SEC14L6: variants seen among roughly 807,000 people sequenced by gnomAD.
The protein encoded by SEC14L6 is SEC14-like protein 6.
In SEC14L6, 40 loss-of-function variants were observed where a neutral mutation model predicts 54.1. The ratio of observed to expected loss-of-function variants is 0.74; its 90% CI spans 0.57 to 0.96. The LOEUF is 0.96. Among genes scored for constraint, SEC14L6 ranks in the 40% least tolerant of loss-of-function variants. SEC14L6 has a pLI of 0.00. For synonymous variants in SEC14L6, 171 were observed against 198.4 expected (o/e 0.86, Z 1.16); for missense variants, 471 against 498.3 (o/e 0.95, Z 0.52).
chr22:30,532,748 C>G (rs761292488), intron 4 of SEC14L6, 35 bp from the exon 5 acceptor site: 15 of 1,598,306 alleles, frequency 9.4e-6, no homozygotes, highest in Middle Eastern at 1.6e-4. Flanking sequence ...GGTTCAGTGC[C>G]GAGGGCTGAG....
At chr22:30,538,744 G>A in intron 2 of SEC14L6, 83 bp downstream of exon 2, 2 of 905,996 alleles carry the variant, frequency 2.2e-6, no homozygotes, top group Non-Finnish European at 3.4e-6. Context: ...ATGTTTTGGA[G>A]TAATTTGATA....
intron 6 of SEC14L6, among the ~76,000 whole-genome samples, chr22:30,531,146 A>C (rs1282706540): frequency 6.6e-6 from 1 of 152,078 alleles, no homozygotes; most frequent in Non-Finnish European, 1.5e-5. Flanking sequence ...GGCGGTTCAC[A>C]CCTATAATCC....
chr22:30,535,570 G>A (rs1037322228), intron 2 of SEC14L6, among the ~76,000 whole-genome samples: 2 of 152,220 alleles, frequency 1.3e-5, no homozygotes, highest in South Asian at 2.1e-4. Flanking sequence ...GAGGCAGAGC[G>A]GGGACTAGAC....
intron 2 of SEC14L6, among the ~76,000 whole-genome samples, chr22:30,534,367 T>G (rs1011367840): frequency 6.6e-6 from 1 of 152,142 alleles, no homozygotes; most frequent in Non-Finnish European, 1.5e-5. Flanking sequence ...TCACAAACAT[T>G]TTGGCCTCAG....
chr22:30,535,037 G>GAAA (rs10652799), intron 2 of SEC14L6, among the ~76,000 whole-genome samples: 60 of 148,416 alleles, frequency 4.0e-4, no homozygotes, highest in Admixed American at 1.0e-3. Context: ...CCTATAAAAA[G>GAAA]AAAAAAAAAA....
Position 30,525,432 on chromosome 22 carries a change from C to T in SEC14L6, c.999G>A (p.Met333Ile), listed in dbSNP as rs560718005. 20 of 1,614,204 alleles carry T rather than the reference C, an allele frequency of 1.2e-5. No homozygotes were observed. Among genetic ancestry groups the T allele is most frequent in the African/African-American group, 1.1e-4 (8 of 75,038 alleles). ...KMGERQRAREMTEVLPSQRYN... is the reference protein window; with the variant it reads ...KMGERQRAREITEVLPSQRYN... ...AGCGCTGGCTGGGCAGCACCTCTGT[C>T]ATCTCCCTAGCCCTCTGCCGCTCCC... The change falls in exon 11 of 12, where the codon ATG becomes ATA. Residue 333 changes from methionine (M) to isoleucine (I), a missense_variant. Coordinates refer to ENST00000402034, the MANE Select transcript of SEC14L6 (RefSeq NM_001193336.4).
chr22:30,546,448 G>T (rs939569768), intron 1 of SEC14L6, among the ~76,000 whole-genome samples, 181 bp downstream of exon 1: 1 of 150,608 alleles, frequency 6.6e-6, no homozygotes, highest in African/African-American at 2.4e-5. Flanking sequence ...GCTTGCGTTT[G>T]TGGTGGCGTG....
At chr22:30,542,798 G>A (rs1362838398) in intron 1 of SEC14L6, 2 of 1,594,330 alleles carry the variant, frequency 1.3e-6, no homozygotes, top group Admixed American at 1.7e-5. Flanking sequence ...GGACCAGGCC[G>A]GAAATTAATC....
chr22:30,544,019 A>G, intron 1 of SEC14L6: 1 of 1,584,258 alleles, frequency 6.3e-7, no homozygotes, highest in Non-Finnish European at 8.7e-7. Context: ...ACCCCCAAGC[A>G]GCTGGCCCCC....
At chr22:30,543,295 A>C (rs1278134872) in intron 1 of SEC14L6, 2 of 1,578,518 alleles carry the variant, frequency 1.3e-6, no homozygotes, top group African/African-American at 1.3e-5. Flanking sequence ...TTTTCGTGGG[A>C]CTGCCAACTT....
At chr22:30,543,117 A>G (rs890369449) in intron 1 of SEC14L6, 83 of 1,603,382 alleles carry the variant, frequency 5.2e-5, no homozygotes, top group Non-Finnish European at 6.9e-5. Context: ...TCAGCCTGAA[A>G]TGGTTCAAAA....
In SEC14L6 at chr22:30,523,672, A is replaced by T. The variant is rs1232097787; in HGVS notation, c.*1325T>A. On this transcript the variant is annotated 3_prime_UTR_variant, in exon 12 of 12. Transcript: ENST00000402034. ...TGCACCTGGCCAGTTTGAAATCTTA[A>T]TCAGGAGATTGGATGAAGATCCAGA... 1 of 152,174 alleles carries T rather than the reference A, an allele frequency of 6.6e-6. No individual in the cohort carries two copies. The highest frequency in any genetic ancestry group is 2.4e-5 in the African/African-American group (1 of 41,434). The allele number at this position is 152,174 out of a possible 1,614,324, so 9.4% of individuals were successfully genotyped here.
At chr22:30,534,404 CT>C (rs1482677745) in intron 2 of SEC14L6, among the ~76,000 whole-genome samples, 2 of 135,772 alleles carry the variant, frequency 1.5e-5, no homozygotes, top group African/African-American at 5.9e-5. Context: ...TTAATTTTTA[CT>C]TAAAAAAAAT....
intron 8 of SEC14L6, among the ~76,000 whole-genome samples, chr22:30,526,350 C>T (rs1936779767): frequency 1.3e-5 from 2 of 152,208 alleles, no homozygotes; most frequent in South Asian, 4.1e-4. Context: ...CCCTCAGCTC[C>T]CAGGGCTCCA....
rs557564410 is a variant in SEC14L6 at position 30,524,656 on chromosome 22, T to A, written c.*341A>T. 7.4e-5 allele frequency: 14 copies of A among 188,304 alleles called. No homozygotes were observed. Among genetic ancestry groups the A allele is most frequent in the Non-Finnish European group, 1.0e-4 (9 of 90,304 alleles). The allele number at this position is 188,304 out of a possible 1,614,324, so 11.7% of individuals were successfully genotyped here. On this transcript the variant is annotated 3_prime_UTR_variant, in exon 12 of 12. Coordinates refer to ENST00000402034, the MANE Select transcript of SEC14L6 (RefSeq NM_001193336.4). ...CTTCCCAAAGTGCTGGGATTACAGG[T>A]ATGAGCCACCATGCCTGGCCTAATA...
chr22:30,527,714 C>CAAAA (rs778118906), intron 8 of SEC14L6, among the ~76,000 whole-genome samples: 3 of 30,134 alleles, frequency 1.0e-4, no homozygotes, highest in African/African-American at 3.3e-4. Context: ...GACCTTGTCT[C>CAAAA]AAAAAAAAAA....
intron 2 of SEC14L6, among the ~76,000 whole-genome samples, chr22:30,536,271 A>G (rs2085598570): frequency 6.6e-6 from 1 of 152,046 alleles, no homozygotes; most frequent in African/African-American, 2.4e-5. Context: ...ACATTCAGGG[A>G]TGTGAATTCC....
chr22:30,533,830 G>A (rs139402628), intron 3 of SEC14L6, among the ~76,000 whole-genome samples, 166 bp downstream of exon 3: 139 of 152,080 alleles, frequency 9.1e-4, no homozygotes, highest in Middle Eastern at 3.4e-3. Flanking sequence ...TTCCCATCAC[G>A]GCAGTCTCCC....
intron 1 of SEC14L6, chr22:30,543,690 T>C: frequency 1.9e-6 from 3 of 1,611,128 alleles, no homozygotes; most frequent in Non-Finnish European, 2.5e-6. Flanking sequence ...ACATCTATAT[T>C]GTGGTGGGCG....
Sources: gnomAD v4.1 joint callset for allele counts (sites outside exome capture counted in the v4.1 genomes callset) on GRCh38, gnomAD v4.1.1 for gene constraint, MANE v1.5 for transcripts, NCBI Gene and HGNC (gene_info 2026-07-23, HGNC 2026-07-21) for gene names.